SOX5: variants seen among roughly 807,000 people sequenced by gnomAD.
SOX5 encodes the protein SRY-box transcription factor 5, also known as transcription factor SOX-5.
A neutral mutation model predicts 92.0 loss-of-function variants in SOX5; 9 were observed. The observed-to-expected ratio is 0.10, with a 90% CI of 0.06 to 0.17. The LOEUF is 0.17. SOX5 is among the 10% of genes least tolerant of loss of function. SOX5 has a pLI of 1.00. For synonymous variants in SOX5, 344 were observed against 336.3 expected, an observed-to-expected ratio of 1.02 and a Z score of -0.25; for missense variants, 642 against 944.5, an observed-to-expected ratio of 0.68 and a Z score of 4.20.
At chr12:24,438,966 G>C (rs192251879) in intron 1 of SOX5, among the ~76,000 whole-genome samples, 2 of 152,354 alleles carry the variant, frequency 1.3e-5, no homozygotes, top group African/African-American at 4.8e-5. Context: ...GTAAAATGCT[G>C]TCAAACAGCC....
At chr12:23,855,600 G>A (rs2096678474) in intron 2 of SOX5, among the ~76,000 whole-genome samples, 1 of 151,424 alleles carries the variant, frequency 6.6e-6, no homozygotes, top group Admixed American at 6.6e-5. Context: ...TTCTTTCTTT[G>A]TGAGGACATC....
intron 3 of SOX5, among the ~76,000 whole-genome samples, chr12:24,226,928 GA>G (rs1264222615): frequency 2.6e-5 from 4 of 152,210 alleles, no homozygotes; most frequent in Non-Finnish European, 5.9e-5. Flanking sequence ...AGAGCTTGGG[GA>G]TAGTTCTCAG....
chr12:23,829,752 T>C (rs1379944639), intron 3 of SOX5, among the ~76,000 whole-genome samples: 2 of 152,146 alleles, frequency 1.3e-5, no homozygotes, highest in African/African-American at 4.8e-5. Flanking sequence ...AGGAATCAAA[T>C]AGATTCTTTT....
intron 3 of SOX5, among the ~76,000 whole-genome samples, chr12:23,771,187 C>CAAAAAAAAAAAA (rs376988688): frequency 2.8e-5 from 3 of 108,610 alleles, no homozygotes; most frequent in Admixed American, 8.8e-5. Context: ...AAAAATGGAG[C>CAAAAAAAAAAAA]AAAAAAAAAA....
At chr12:24,378,328 A>G (rs915056852) in intron 1 of SOX5, among the ~76,000 whole-genome samples, 4 of 152,238 alleles carry the variant, frequency 2.6e-5, no homozygotes, top group Non-Finnish European at 4.4e-5. Flanking sequence ...TTGATTCCCA[A>G]AACTTTTCTT....
At chr12:24,008,137 G>A (rs1332512055) in intron 4 of SOX5, among the ~76,000 whole-genome samples, 1 of 152,054 alleles carries the variant, frequency 6.6e-6, no homozygotes, top group Non-Finnish European at 1.5e-5. Context: ...TTTAGGGACA[G>A]TTTGATCCAA....
In SOX5 at chr12:24,027,814, C is replaced by T. The variant is rs765194530; in HGVS notation, c.-1-131790G>A. 7.2e-4 allele frequency among the ~76,000 whole-genome samples: 110 copies of T among 152,018 alleles called. 1 individual carries two copies. Among genetic ancestry groups the T allele is most frequent in the Non-Finnish European group, 1.2e-3 (81 of 67,908 alleles). On this transcript the variant is annotated intron_variant, in intron 4 of 4. Transcript: ENST00000446891. Reference sequence around the variant, plus strand: ...CCACTCCTTCACCAATCCAAGTCACCATCCTCAATCCATTCTCCACCCCGC... The same window carrying T: ...CCACTCCTTCACCAATCCAAGTCACTATCCTCAATCCATTCTCCACCCCGC...
intron 1 of SOX5, among the ~76,000 whole-genome samples, chr12:24,402,272 A>T (rs1961903520): frequency 6.6e-6 from 1 of 152,244 alleles, no homozygotes; most frequent in African/African-American, 2.4e-5. Flanking sequence ...TAAAATATTT[A>T]CACACTTTGA....
At chr12:24,104,978 AGT>A in intron 4 of SOX5, among the ~76,000 whole-genome samples, 1 of 152,360 alleles carries the variant, frequency 6.6e-6, no homozygotes, top group East Asian at 1.9e-4. Context: ...ACTTTGGAAC[AGT>A]CTCTAAGTCT....
At chr12:23,913,957 G>C (rs755165126) in intron 1 of SOX5, among the ~76,000 whole-genome samples, 2 of 152,052 alleles carry the variant, frequency 1.3e-5, no homozygotes, top group Non-Finnish European at 2.9e-5. Context: ...GTCTGATCCA[G>C]CATTTCATCC....
intron 9 of SOX5, among the ~76,000 whole-genome samples, chr12:23,592,147 C>A (rs368102061): frequency 1.3e-5 from 2 of 152,128 alleles, no homozygotes; most frequent in Non-Finnish European, 2.9e-5. Context: ...ATATAATTTG[C>A]GGTTTCGTGA....
intron 1 of SOX5, among the ~76,000 whole-genome samples, chr12:24,550,635 A>C (rs1352238253): frequency 6.6e-6 from 1 of 152,214 alleles, no homozygotes; most frequent in East Asian, 1.9e-4. Context: ...GTGCAAAGTT[A>C]AACTTGATTT....
chr12:24,304,408 T>C (rs1016429980), intron 2 of SOX5, among the ~76,000 whole-genome samples: 11 of 152,072 alleles, frequency 7.2e-5, no homozygotes, highest in Non-Finnish European at 1.3e-4. Context: ...AAAGAGGAAA[T>C]TTTCTGATTA....
intron 2 of SOX5, among the ~76,000 whole-genome samples, chr12:24,309,784 A>G (rs1396202): frequency 0.02 from 3,101 of 152,310 alleles, 103 homozygotes; most frequent in African/African-American, 0.071. Context: ...AAAAACCGTG[A>G]TAGGAAAAGA....
chr12:23,690,953 C>A (rs2088670641), intron 6 of SOX5, among the ~76,000 whole-genome samples: 1 of 152,198 alleles, frequency 6.6e-6, no homozygotes, highest in Non-Finnish European at 1.5e-5. Context: ...TCCTCCCTGA[C>A]TTTCCAGACT....
intron 1 of SOX5, among the ~76,000 whole-genome samples, chr12:23,928,347 G>T (rs1203050123): frequency 6.6e-6 from 1 of 151,988 alleles, no homozygotes; most frequent in Non-Finnish European, 1.5e-5. Flanking sequence ...GTACTCGGGT[G>T]TGGCCAAGGA....
At chr12:24,234,528 C>A (rs559073593) in intron 3 of SOX5, among the ~76,000 whole-genome samples, 1 of 152,164 alleles carries the variant, frequency 6.6e-6, no homozygotes, top group South Asian at 2.1e-4. Context: ...CAGGTGTGCA[C>A]CACCACGCCT....
intron 3 of SOX5, among the ~76,000 whole-genome samples, chr12:23,783,117 C>T (rs1011120774): frequency 4.6e-5 from 7 of 152,144 alleles, no homozygotes; most frequent in Non-Finnish European, 1.0e-4. Context: ...TTCTTCAAGG[C>T]ATATACTGTC....
rs1358167516 is a variant in SOX5 at position 23,533,101 on chromosome 12, T to A, written c.*1118A>T. The A allele has an allele frequency of 4.4e-6, 2 of 451,534 alleles. No individual in the cohort carries two copies. The highest frequency in any genetic ancestry group is 4.0e-5 in the African/African-American group (2 of 49,880). The allele number at this position is 451,534 out of a possible 1,614,324, so 28.0% of individuals were successfully genotyped here. Reference sequence around the variant, plus strand: ...AAATATAATTTCTGAGCCCTATACTTGGTTAAGTTGTCATTTGAAGTGCAA... The same window carrying A: ...AAATATAATTTCTGAGCCCTATACTAGGTTAAGTTGTCATTTGAAGTGCAA... On this transcript the variant is annotated 3_prime_UTR_variant, in exon 15 of 15. Transcript: ENST00000451604.
Sources: gnomAD v4.1 joint callset for allele counts (sites outside exome capture counted in the v4.1 genomes callset) on GRCh38, gnomAD v4.1.1 for gene constraint, MANE v1.5 for transcripts, NCBI Gene and HGNC (gene_info 2026-07-23, HGNC 2026-07-21) for gene names.